DNAJC1: variants seen among roughly 807,000 people sequenced by gnomAD.
DNAJC1 encodes the protein DnaJ heat shock protein family (Hsp40) member C1, also known as dnaJ homolog subfamily C member 1.
Under a neutral mutation model 76.6 loss-of-function variants are expected in DNAJC1, and 58 were observed. That is an observed-to-expected ratio of 0.76 (90% CI 0.61 to 0.94). DNAJC1 has a LOEUF of 0.94. Among genes scored for constraint, DNAJC1 ranks in the 40% least tolerant of loss-of-function variants. DNAJC1 has a pLI of 0.00. For missense variants in DNAJC1, 689 were observed against 677.3 expected (o/e 1.02, Z -0.19); for synonymous variants, 258 against 267.9 (o/e 0.96, Z 0.36).
At chr10:21,811,160 G>A (rs1034865553) in intron 8 of DNAJC1, among the ~76,000 whole-genome samples, 2 of 152,206 alleles carry the variant, frequency 1.3e-5, no homozygotes, top group South Asian at 2.1e-4. Flanking sequence ...AGGAGCTCAC[G>A]GGGTGACCCA....
At chr10:21,819,285 C>A (rs938838302) in intron 8 of DNAJC1, among the ~76,000 whole-genome samples, 2 of 151,824 alleles carry the variant, frequency 1.3e-5, no homozygotes, top group African/African-American at 4.8e-5. Context: ...TCTGTAGTCC[C>A]AGCTACCTGG....
At chr10:21,854,711 C>T (rs1835808164) in intron 8 of DNAJC1, among the ~76,000 whole-genome samples, 1 of 152,034 alleles carries the variant, frequency 6.6e-6, no homozygotes, top group African/African-American at 2.4e-5. Flanking sequence ...CAGAAGAGAG[C>T]AGGTGGTATG....
At chr10:21,930,925 T>C (rs1190357779) in intron 1 of DNAJC1, among the ~76,000 whole-genome samples, 1 of 152,206 alleles carries the variant, frequency 6.6e-6, no homozygotes, top group Non-Finnish European at 1.5e-5. Context: ...TACAAAATAA[T>C]AGCTATGTAT....
intron 8 of DNAJC1, among the ~76,000 whole-genome samples, chr10:21,881,851 A>AG (rs1836284410): frequency 6.7e-6 from 1 of 149,394 alleles, no homozygotes; most frequent in Non-Finnish European, 1.5e-5. Flanking sequence ...TTGTAAAAAA[A>AG]AAAAAAAAAA....
At chr10:21,892,242 A>G (rs1409713629) in intron 7 of DNAJC1, among the ~76,000 whole-genome samples, 1 of 152,054 alleles carries the variant, frequency 6.6e-6, no homozygotes. Context: ...AAAACAAAGA[A>G]ATGATAATAA....
chr10:21,779,528 G>T (rs1324474274), intron 9 of DNAJC1, among the ~76,000 whole-genome samples: 1 of 152,244 alleles, frequency 6.6e-6, no homozygotes, highest in Non-Finnish European at 1.5e-5. Flanking sequence ...ATGTGCAGCT[G>T]AGGGTCCTGA....
intron 8 of DNAJC1, among the ~76,000 whole-genome samples, chr10:21,872,151 G>A (rs936690987): frequency 1.3e-4 from 20 of 148,498 alleles, no homozygotes; most frequent in East Asian, 4.0e-4. Flanking sequence ...TTGGCTCACC[G>A]TAACCTCAAC....
chr10:21,934,366 T>C (rs145934717), intron 1 of DNAJC1, among the ~76,000 whole-genome samples: 4 of 152,162 alleles, frequency 2.6e-5, no homozygotes, highest in Admixed American at 1.3e-4. Context: ...TGTTACATAG[T>C]AAGCTATGGT....
At chr10:21,880,751 ACC>A (rs1368906707) in intron 8 of DNAJC1, among the ~76,000 whole-genome samples, 1 of 152,176 alleles carries the variant, frequency 6.6e-6, no homozygotes, top group Admixed American at 6.5e-5. Context: ...ATTCTTGAGT[ACC>A]CTAGGATTTT....
At chr10:22,000,292 C>T (rs896263183) in intron 1 of DNAJC1, among the ~76,000 whole-genome samples, 2 of 152,198 alleles carry the variant, frequency 1.3e-5, no homozygotes, top group Non-Finnish European at 2.9e-5. Flanking sequence ...ACAGACTATA[C>T]TCAGTACACT....
chr10:21,893,127 A>G (rs985719506), intron 7 of DNAJC1, among the ~76,000 whole-genome samples: 2 of 152,208 alleles, frequency 1.3e-5, no homozygotes, highest in Non-Finnish European at 2.9e-5. Flanking sequence ...CTTGGGCCAT[A>G]AAACAGACCT....
intron 1 of DNAJC1, among the ~76,000 whole-genome samples, chr10:21,964,487 C>T (rs1017523364): frequency 3.3e-5 from 5 of 152,230 alleles, no homozygotes; most frequent in Non-Finnish European, 5.9e-5. Flanking sequence ...GCTGGGATTA[C>T]AGGCATGAGC....
chr10:21,825,609 A>AT (rs1835235321), intron 8 of DNAJC1, among the ~76,000 whole-genome samples: 2 of 152,210 alleles, frequency 1.3e-5, no homozygotes, highest in South Asian at 4.1e-4. Flanking sequence ...CCACCAACCT[A>AT]TTTTAAAAAG....
chr10:21,899,933 T>C (rs1382738413), intron 7 of DNAJC1, among the ~76,000 whole-genome samples: 1 of 152,188 alleles, frequency 6.6e-6, no homozygotes, highest in Non-Finnish European at 1.5e-5. Context: ...TGGAAGTTGC[T>C]GTGGGTGTCA....
chr10:21,919,927 A>T lies in DNAJC1; in HGVS notation c.540T>A (p.Asp180Glu). 6.3e-7 allele frequency: 1 copy of T among 1,584,716 alleles called. No individual in the cohort carries two copies. Among genetic ancestry groups the T allele is most frequent in the South Asian group, 1.1e-5 (1 of 88,440 alleles). The change falls in exon 5 of 12, where the codon GAT becomes GAA. Residue 180 changes from aspartate to glutamate, a missense_variant and splice_region_variant. Transcript: ENST00000376980. ...VWSIYLEKQL[D>E]ELLSRKKREK... is the part of the protein sequence containing the mutation. ...CTCTCTTTTTTCTACTTAGTAGTTC[A>T]TCCTTAATGTGGAAAGAATTATGGT...
At chr10:21,782,645 A>G (rs1834548173) in intron 9 of DNAJC1, among the ~76,000 whole-genome samples, 1 of 152,196 alleles carries the variant, frequency 6.6e-6, no homozygotes, top group Non-Finnish European at 1.5e-5. Context: ...CGATGCAAAA[A>G]TCCTCAACAA....
intron 11 of DNAJC1, among the ~76,000 whole-genome samples, chr10:21,757,256 C>A (rs1209370532): frequency 6.6e-6 from 1 of 152,190 alleles, no homozygotes; most frequent in Non-Finnish European, 1.5e-5. Flanking sequence ...CCTGGCCCCA[C>A]CTCCATCCCA....
intron 8 of DNAJC1, among the ~76,000 whole-genome samples, chr10:21,864,787 C>T (rs1231704614): frequency 1.3e-5 from 2 of 151,958 alleles, no homozygotes; most frequent in Non-Finnish European, 2.9e-5. Context: ...GATACTTTTA[C>T]TAAAATAAAA....
Position 21,813,220 on chromosome 10 carries a change from C to CTATATATATA in DNAJC1, c.979-7131_979-7122dup, listed in dbSNP as rs777283982. On this transcript the variant is annotated intron_variant, in intron 8 of 11. Coordinates refer to ENST00000376980, the MANE Select transcript of DNAJC1 (RefSeq NM_022365.4). ...TCTCTCTCTCTCTCTCTCTCTCTCTCTATATATATATATATATATATATAC... is the reference window on the plus strand; with the variant it reads ...TCTCTCTCTCTCTCTCTCTCTCTCTCTATATATATATATATATATATATATATATATATAC... Among the ~76,000 whole-genome samples, 62 of 19,078 alleles carry CTATATATATA rather than the reference C, an allele frequency of 3.2e-3. 2 individuals are homozygous for CTATATATATA. The highest frequency in any genetic ancestry group is 3.6e-3 in the Non-Finnish European group (41 of 11,438). 12.5% of individuals were successfully genotyped at this position (19,078 alleles called of 152,430 possible). A position where few individuals can be genotyped will look rare whatever the true frequency, so the allele number is the denominator to read the frequency against.
Sources: gnomAD v4.1 joint callset for allele counts (sites outside exome capture counted in the v4.1 genomes callset) on GRCh38, gnomAD v4.1.1 for gene constraint, MANE v1.5 for transcripts, NCBI Gene and HGNC (gene_info 2026-07-23, HGNC 2026-07-21) for gene names.